ARHGAP32: variants seen among roughly 807,000 people sequenced by gnomAD.
ARHGAP32 encodes the protein rho GTPase-activating protein 32.
A neutral mutation model predicts 186.5 loss-of-function variants in ARHGAP32; 51 were observed. The observed-to-expected ratio is 0.27, with a 90% CI of 0.22 to 0.35. The LOEUF (loss-of-function observed/expected upper bound fraction) is 0.35. Ranked by LOEUF, ARHGAP32 falls within the 10% of genes least tolerant of loss-of-function variation. The probability of loss-of-function intolerance (pLI) is 1.00; values close to 1 mark genes in which losing one functional copy is unlikely to be tolerated. For missense variants in ARHGAP32, 2,186 were observed against 2,623.5 expected (o/e 0.83, Z 3.64); for synonymous variants, 950 against 964.3 (o/e 0.99, Z 0.27).
chr11:129,232,074 T>C (rs1184498297), intron 1 of ARHGAP32, among the ~76,000 whole-genome samples: 13 of 142,254 alleles, frequency 9.1e-5, no homozygotes, highest in African/African-American at 3.3e-4. Context: ...ACTCAACTTC[T>C]CCCTCTACTC....
At chr11:129,270,676 G>A (rs1255401161) in intron 1 of ARHGAP32, among the ~76,000 whole-genome samples, 2 of 151,746 alleles carry the variant, frequency 1.3e-5, no homozygotes, top group African/African-American at 2.4e-5. Context: ...GGGGTATACA[G>A]GAAACTTCTG....
Position 128,986,584 on chromosome 11 carries a change from C to T in ARHGAP32, c.1383G>A (p.Lys461=). 6.2e-7 allele frequency: 1 copy of T among 1,614,132 alleles called. No individual in the cohort carries two copies. Among genetic ancestry groups the T allele is most frequent in the Non-Finnish European group, 8.5e-7 (1 of 1,179,982 alleles). Residue 461 remains lysine, a synonymous_variant, in exon 14 of 23, where the codon AAG becomes AAA. Coordinates refer to ENST00000682385, the MANE Select transcript of ARHGAP32 (RefSeq NM_001378024.1). ...GGTTTGGGAGTTCCCGGAAGTACAG[C>T]TTACATAGGGAACCCACAGAATGGA... ...QDIHSVGSLC[K]LYFRELPNPL...
At chr11:129,216,403 C>T (rs996551370) in intron 1 of ARHGAP32, among the ~76,000 whole-genome samples, 2 of 151,846 alleles carry the variant, frequency 1.3e-5, no homozygotes, top group Non-Finnish European at 2.9e-5. Context: ...TATTTAAGGC[C>T]GGTGGCAGTG....
intron 11 of ARHGAP32, among the ~76,000 whole-genome samples, chr11:129,022,402 G>A (rs1938636098): frequency 6.6e-6 from 1 of 152,042 alleles, no homozygotes; most frequent in Non-Finnish European, 1.5e-5. Flanking sequence ...AAGTAGAGGG[G>A]AAAGTTTCTA....
rs1380535739 is a variant in ARHGAP32, at chr11:128,985,992, C to A, written c.1526+11G>T. 1 of 1,598,884 alleles carries A rather than the reference C, an allele frequency of 6.3e-7. No homozygotes were observed. Among genetic ancestry groups the A allele is most frequent in the Non-Finnish European group, 8.5e-7 (1 of 1,174,892 alleles). On this transcript the variant is annotated intron_variant, in intron 15 of 22. Transcript: ENST00000682385. ...TCTACCTCTGCCTGGTATTTACCCA[C>A]TGTGGCTGACCTGTAGTGTGGTGGG...
At chr11:129,024,930 T>C (rs933139252) in intron 11 of ARHGAP32, among the ~76,000 whole-genome samples, 2 of 152,206 alleles carry the variant, frequency 1.3e-5, no homozygotes, top group Admixed American at 1.3e-4. Context: ...ATTCAATACT[T>C]CTACTAAATA....
At chr11:128,986,457 ATG>A in intron 14 of ARHGAP32, 65 bp downstream of exon 14, 1 of 1,543,946 alleles carries the variant, frequency 6.5e-7, no homozygotes, top group Non-Finnish European at 8.9e-7. Context: ...ACCAAAGTTC[ATG>A]TGTTTTGAAC....
chr11:129,067,536 T>G (rs1464878125), intron 6 of ARHGAP32, among the ~76,000 whole-genome samples: 1 of 152,064 alleles, frequency 6.6e-6, no homozygotes, highest in African/African-American at 2.4e-5. Context: ...ATTTCTTACC[T>G]GAAATATTGC....
chr11:129,217,757 G>A (rs1944663921), intron 1 of ARHGAP32, among the ~76,000 whole-genome samples: 1 of 152,114 alleles, frequency 6.6e-6, no homozygotes, highest in African/African-American at 2.4e-5. Flanking sequence ...TCTAATTTTT[G>A]AAATAAATAC....
Position 129,141,790 on chromosome 11 carries a change from C to CT in ARHGAP32, c.226-16897dup, listed in dbSNP as rs534087733. Among the ~76,000 whole-genome samples the CT allele has an allele frequency of 1.6e-4, 23 of 146,860 alleles. No individual in the cohort carries two copies. The South Asian group carries it at 2.4e-3, about 15-fold the overall frequency. On this transcript the variant is annotated intron_variant, in intron 2 of 22. Transcript: ENST00000682385. ...GGGAAATAGGATTATGGGAAAGCCT[C>CT]TTTTTTTTTTCTTTTCACTTTTCTG...
chr11:129,273,807 T>C (rs11221632), intron 1 of ARHGAP32, among the ~76,000 whole-genome samples: 44,846 of 152,014 alleles, frequency 0.3, 6,944 homozygotes, highest in Middle Eastern at 0.4. Flanking sequence ...TTACTATTTT[T>C]AGGGCAAACT....
intron 1 of ARHGAP32, among the ~76,000 whole-genome samples, chr11:129,273,807 T>TC (rs936035834): frequency 6.6e-6 from 1 of 151,954 alleles, no homozygotes; most frequent in African/African-American, 2.4e-5. Context: ...TTACTATTTT[T>TC]AGGGCAAACT....
At chr11:129,196,216 G>T (rs1320410786), upstream of ARHGAP32, among the ~76,000 whole-genome samples, 1 of 152,182 alleles carries the variant, frequency 6.6e-6, no homozygotes, top group Non-Finnish European at 1.5e-5. Flanking sequence ...AGTAGCAGTG[G>T]TAAGTAGTAA....
intron 11 of ARHGAP32, among the ~76,000 whole-genome samples, chr11:129,028,892 A>G (rs1251620196): frequency 2.0e-5 from 3 of 152,156 alleles, no homozygotes; most frequent in Non-Finnish European, 2.9e-5. Flanking sequence ...GCAAAGTGAA[A>G]GCTATGAAGC....
chr11:129,135,404 C>T (rs759973972), intron 2 of ARHGAP32, among the ~76,000 whole-genome samples: 10 of 152,126 alleles, frequency 6.6e-5, no homozygotes, highest in Non-Finnish European at 7.4e-5. Flanking sequence ...AAGGCACCAC[C>T]GCAATTAAGT....
chr11:129,157,423 C>T (rs553665005), intron 2 of ARHGAP32, among the ~76,000 whole-genome samples: 3 of 151,874 alleles, frequency 2.0e-5, no homozygotes, highest in East Asian at 2.0e-4. Flanking sequence ...ACAAGAACAT[C>T]GTGAAGCTTA....
At position 129,177,796 on chromosome 11, in the gene ARHGAP32, T is replaced by C. The variant is rs922768362; in HGVS notation, c.117-13369A>G. On this transcript the variant is annotated intron_variant, in intron 1 of 22. Coordinates refer to ENST00000682385, the MANE Select transcript of ARHGAP32 (RefSeq NM_001378024.1). The stretch of plus-strand genomic sequence containing the variant: ...ATTGATGGGACATATCTCAAAATAA[T>C]AAGAGCTATCTATGACAAACCCACA... Among the ~76,000 whole-genome samples the C allele has an allele frequency of 7.2e-4, 110 of 152,264 alleles. 1 individual carries two copies. Among genetic ancestry groups the C allele is most frequent in the African/African-American group, 2.5e-3 (105 of 41,528 alleles).
chr11:129,023,821 G>C, intron 11 of ARHGAP32: 1 of 890,224 alleles, frequency 1.1e-6, no homozygotes, highest in Non-Finnish European at 1.3e-6. Flanking sequence ...AATGTTGCTT[G>C]AGTCAAATAT....
chr11:128,995,065 C>G (rs1471982880), intron 12 of ARHGAP32, among the ~76,000 whole-genome samples: 1 of 151,586 alleles, frequency 6.6e-6, no homozygotes, highest in Non-Finnish European at 1.5e-5. Context: ...AGCAAGACAA[C>G]TAAGAAAAAA....
Sources: gnomAD v4.1 joint callset for allele counts (sites outside exome capture counted in the v4.1 genomes callset) on GRCh38, gnomAD v4.1.1 for gene constraint, MANE v1.5 for transcripts, NCBI Gene and HGNC (gene_info 2026-07-23, HGNC 2026-07-21) for gene names.